Variants in PSMD1 observed in about 807,000 individuals in gnomAD.
The protein encoded by PSMD1 is proteasome 26S subunit, non-ATPase 1.
Under a neutral mutation model 119.0 loss-of-function variants are expected in PSMD1, and 18 were observed. The observed-to-expected ratio is 0.15, with a 90% CI of 0.10 to 0.22. PSMD1 has a LOEUF of 0.22. Among genes scored for constraint, PSMD1 ranks in the 10% least tolerant of loss-of-function variants. The pLI, the probability that PSMD1 is intolerant of heterozygous loss-of-function variation, is 1.00. For synonymous variants in PSMD1, 374 were observed against 396.6 expected (o/e 0.94, Z 0.68); for missense variants, 702 against 1,158.5 (o/e 0.61, Z 5.72).
chr2:231,169,443 G>C (rs958923388), intron 23 of PSMD1, among the ~76,000 whole-genome samples: 2 of 152,116 alleles, frequency 1.3e-5, no homozygotes, highest in Non-Finnish European at 2.9e-5. Flanking sequence ...TCATAAAATG[G>C]ATCCTCTTCA....
At chr2:231,083,856 A>G in intron 14 of PSMD1, 93 bp downstream of exon 14, 1 of 1,232,838 alleles carries the variant, frequency 8.1e-7, no homozygotes, top group Admixed American at 2.1e-5. Context: ...CCATCAGAAC[A>G]TGTAGGTACA....
intron 16 of PSMD1, among the ~76,000 whole-genome samples, chr2:231,116,343 GAT>G (rs1159171167): frequency 3.9e-5 from 6 of 152,100 alleles, no homozygotes; most frequent in Non-Finnish European, 8.8e-5. Context: ...TATAATCAGA[GAT>G]ATTGATTGCA....
intron 14 of PSMD1, among the ~76,000 whole-genome samples, chr2:231,084,511 G>C (rs1389156996): frequency 6.6e-6 from 1 of 151,844 alleles, no homozygotes; most frequent in African/African-American, 2.4e-5. Context: ...TTTTTATAAT[G>C]GTGTTGTATA....
intron 16 of PSMD1, among the ~76,000 whole-genome samples, chr2:231,093,472 G>T (rs113224102): frequency 2.0e-5 from 3 of 152,176 alleles, no homozygotes; most frequent in African/African-American, 7.2e-5. Flanking sequence ...CTTCATTTCT[G>T]GTACCAGGTT....
chr2:231,115,102 A>T (rs1354284071), intron 16 of PSMD1, among the ~76,000 whole-genome samples: 1 of 152,164 alleles, frequency 6.6e-6, no homozygotes, highest in Non-Finnish European at 1.5e-5. Flanking sequence ...TAATCATCTC[A>T]GGATTACAGA....
chr2:231,099,052 G>C, intron 16 of PSMD1, among the ~76,000 whole-genome samples: 1 of 152,144 alleles, frequency 6.6e-6, no homozygotes, highest in South Asian at 2.1e-4. Flanking sequence ...CTAAGAGTCA[G>C]GGTTATAACG....
intron 18 of PSMD1, among the ~76,000 whole-genome samples, chr2:231,151,490 CT>C (rs1191503577): frequency 3.3e-5 from 5 of 152,058 alleles, no homozygotes; most frequent in Non-Finnish European, 7.4e-5. Context: ...TAAAAACTAG[CT>C]TTTTAAAGCA....
At chr2:231,135,045 C>T (rs1486900090) in intron 16 of PSMD1, among the ~76,000 whole-genome samples, 1 of 152,110 alleles carries the variant, frequency 6.6e-6, no homozygotes, top group Non-Finnish European at 1.5e-5. Context: ...AGTCTCAGCC[C>T]TTGTGCAGTC....
At chr2:231,118,668 T>G (rs17619636) in intron 16 of PSMD1, among the ~76,000 whole-genome samples, 6,140 of 152,282 alleles carry the variant, frequency 0.04, 135 homozygotes, top group East Asian at 0.11. Flanking sequence ...TGAGGCAGAC[T>G]TATTTTATCT....
chr2:231,102,475 A>C (rs1376450693), intron 16 of PSMD1, among the ~76,000 whole-genome samples: 1 of 152,242 alleles, frequency 6.6e-6, no homozygotes, highest in East Asian at 1.9e-4. Context: ...TATGGATAAC[A>C]TACATAGTCA....
At chr2:231,118,355 T>C (rs537072489) in intron 16 of PSMD1, among the ~76,000 whole-genome samples, 1 of 152,296 alleles carries the variant, frequency 6.6e-6, no homozygotes, top group South Asian at 2.1e-4. Flanking sequence ...TTCTACCTGC[T>C]GTAGCAAAAG....
At chr2:231,063,918 C>A (rs948940639) in intron 4 of PSMD1, among the ~76,000 whole-genome samples, 2 of 152,108 alleles carry the variant, frequency 1.3e-5, no homozygotes, top group African/African-American at 4.8e-5. Context: ...CCTGCTTTGG[C>A]CTCCCAAAGT....
At chr2:231,115,830 C>T (rs1695312782) in intron 16 of PSMD1, among the ~76,000 whole-genome samples, 2 of 152,092 alleles carry the variant, frequency 1.3e-5, no homozygotes, top group Non-Finnish European at 2.9e-5. Flanking sequence ...CACCTGGGTA[C>T]TTAGATATGC....
At chr2:231,066,596 G>A (rs1041335161) in intron 4 of PSMD1, among the ~76,000 whole-genome samples, 20 of 152,104 alleles carry the variant, frequency 1.3e-4, no homozygotes, top group African/African-American at 4.3e-4. Context: ...TCAGGCTGGC[G>A]TTGAACTCCT....
chr2:231,058,225 C>T (rs1408612153), intron 1 of PSMD1, among the ~76,000 whole-genome samples: 1 of 152,164 alleles, frequency 6.6e-6, no homozygotes, highest in Non-Finnish European at 1.5e-5. Flanking sequence ...ACCTATAGGC[C>T]TCATTCTATT....
At chr2:231,113,890 C>G in intron 16 of PSMD1, 3 of 1,614,068 alleles carry the variant, frequency 1.9e-6, no homozygotes, top group Non-Finnish European at 2.5e-6. Flanking sequence ...AAGAAATAAC[C>G]AGGCAGGACA....
chr2:231,090,910 G>T (rs1187720056), intron 16 of PSMD1, among the ~76,000 whole-genome samples: 3 of 152,204 alleles, frequency 2.0e-5, no homozygotes, highest in African/African-American at 7.2e-5. Context: ...AAAGAAAGTA[G>T]TTTCTTCATT....
At chr2:231,108,858 C>T in intron 16 of PSMD1, 1 of 1,614,096 alleles carries the variant, frequency 6.2e-7, no homozygotes, top group African/African-American at 1.3e-5. Context: ...GAAACATAGC[C>T]TATCCACACA....
At chr2:231,067,157 A>G (rs1474336137) in intron 5 of PSMD1, 46 bp downstream of exon 5, 4 of 1,400,290 alleles carry the variant, frequency 2.9e-6, no homozygotes, top group Non-Finnish European at 3.8e-6. Flanking sequence ...ATAGGGAATC[A>G]GCAAAGCAAG....
Sources: allele counts gnomAD v4.1 joint callset (sites outside exome capture counted in the v4.1 genomes callset), GRCh38; gene constraint gnomAD v4.1.1; transcripts MANE v1.5; gene names NCBI Gene and HGNC (gene_info 2026-07-23, HGNC 2026-07-21).